SHE: variants seen among roughly 807,000 people sequenced by gnomAD.
The protein encoded by SHE is SH2 domain-containing adapter protein E.
In SHE, 11 loss-of-function variants were observed where a neutral mutation model predicts 49.8. That is an observed-to-expected ratio of 0.22 (90% CI 0.14 to 0.37). The LOEUF (loss-of-function observed/expected upper bound fraction) is 0.37. SHE is among the 10% of genes least tolerant of loss of function. SHE has a pLI of 1.00. For synonymous variants in SHE, 310 were observed against 278.1 expected, an observed-to-expected ratio of 1.11 and a Z score of -1.14; for missense variants, 624 against 655.5, an observed-to-expected ratio of 0.95 and a Z score of 0.52.
At chr1:154,491,570 C>T (rs1232142632) in intron 2 of SHE, among the ~76,000 whole-genome samples, 2 of 152,252 alleles carry the variant, frequency 1.3e-5, no homozygotes, top group Admixed American at 6.5e-5. Context: ...TCTCCCACTG[C>T]ATCCATTTAT....
intron 3 of SHE, among the ~76,000 whole-genome samples, chr1:154,488,304 G>C (rs1478124537): frequency 6.6e-6 from 1 of 151,948 alleles, no homozygotes; most frequent in African/African-American, 2.4e-5. Context: ...TGTCACCCAG[G>C]CTGGAGTGCA....
At chr1:154,501,108 A>G (rs917438845) in intron 1 of SHE, among the ~76,000 whole-genome samples, 2 of 152,220 alleles carry the variant, frequency 1.3e-5, no homozygotes, top group Non-Finnish European at 2.9e-5. Flanking sequence ...ATTCCCCTGA[A>G]TATCAAAATT....
chr1:154,498,546 C>T (rs1033584838), intron 2 of SHE, among the ~76,000 whole-genome samples: 1 of 151,834 alleles, frequency 6.6e-6, no homozygotes, highest in Non-Finnish European at 1.5e-5. Context: ...TACAGGTGTG[C>T]ACCACCACAC....
intron 5 of SHE, chr1:154,484,964 CAA>C (rs1018986511): frequency 1.6e-4 from 14 of 86,874 alleles, no homozygotes; most frequent in Non-Finnish European, 7.1e-5. Context: ...GACTCCATCT[CAA>C]AAAAAAAAAA....
chr1:154,480,713 A>AT lies in SHE; in HGVS notation c.*3435dup, dbSNP rs565564815. 320 of 985,450 alleles carry AT rather than the reference A, an allele frequency of 3.2e-4. 1 individual carries two copies. The African/African-American group carries it at 4.8e-3, about 15-fold the overall frequency. The allele number at this position is 985,450 out of a possible 1,614,324, so 61.0% of individuals were successfully genotyped here. On this transcript the variant is annotated 3_prime_UTR_variant, in exon 6 of 6. Coordinates refer to ENST00000304760, the MANE Select transcript of SHE (RefSeq NM_001010846.3). ...CTTCTGCCCCCAACAGAGAGTAGAT[A>AT]TATCAATATTTACCTTTTTGTATAC...
intron 3 of SHE, among the ~76,000 whole-genome samples, chr1:154,488,187 T>C (rs9728545): frequency 0.92 from 139,375 of 151,868 alleles, 65,207 homozygotes; most frequent in East Asian, 1. Context: ...ATGATCTGCC[T>C]GCCTCGGCCT....
intron 5 of SHE, chr1:154,485,629 T>C (rs1033601819): frequency 4.2e-6 from 1 of 235,756 alleles, no homozygotes; most frequent in African/African-American, 2.2e-5. Context: ...TAGAAATAAT[T>C]CTTTTCATCA....
At chr1:154,493,669 C>T (rs12095082) in intron 2 of SHE, among the ~76,000 whole-genome samples, 1 of 152,220 alleles carries the variant, frequency 6.6e-6, no homozygotes, top group Non-Finnish European at 1.5e-5. Flanking sequence ...GTAATTATGT[C>T]ATTCACATGA....
Position 154,481,838 on chromosome 1 carries a change from T to G in SHE, c.*2311A>C. ...TTCTATCAGTATCTGAAAAAAACAT[T>G]CCTTTTGGTTTTTTGTTTGCTTGCT... On this transcript the variant is annotated 3_prime_UTR_variant, in exon 6 of 6. Transcript: ENST00000304760. 1.0e-6 allele frequency: 1 copy of G among 970,890 alleles called. No homozygotes were observed. The highest frequency in any genetic ancestry group is 1.2e-6 in the Non-Finnish European group (1 of 816,690). 60.1% of individuals were successfully genotyped at this position (970,890 alleles called of 1,614,324 possible). A position where few individuals can be genotyped will look rare whatever the true frequency, so the allele number is the denominator to read the frequency against.
At chr1:154,487,225 T>C (rs577247260) in intron 3 of SHE, among the ~76,000 whole-genome samples, 2 of 150,478 alleles carry the variant, frequency 1.3e-5, no homozygotes, top group African/African-American at 2.4e-5. Context: ...TGAGCCAAGA[T>C]TGCGCCACGG....
chr1:154,478,766 A>G (rs1233073270), downstream of SHE, among the ~76,000 whole-genome samples: 1 of 152,154 alleles, frequency 6.6e-6, no homozygotes, highest in Non-Finnish European at 1.5e-5. Context: ...CCATTACTCT[A>G]ATTGCTCGGG....
At position 154,482,202 on chromosome 1, in the gene SHE, C is replaced by G. The variant is rs1029709780; in HGVS notation, c.*1947G>C. 5 of 449,390 alleles carry G rather than the reference C, an allele frequency of 1.1e-5. No individual in the cohort carries two copies. The highest frequency in any genetic ancestry group is 3.1e-4 in the East Asian group (2 of 6,404). 27.8% of individuals were successfully genotyped at this position (449,390 alleles called of 1,614,324 possible). A position where few individuals can be genotyped will look rare whatever the true frequency, so the allele number is the denominator to read the frequency against. On this transcript the variant is annotated 3_prime_UTR_variant, in exon 6 of 6. Transcript: ENST00000304760. ...CTAATTTTTGTATTTTTACTACAGACAGGGTTTCACCATGTTGGCCAGGCT... is the reference window on the plus strand; with the variant it reads ...CTAATTTTTGTATTTTTACTACAGAGAGGGTTTCACCATGTTGGCCAGGCT...
chr1:154,475,036 C>A (rs1571035546), downstream of SHE, among the ~76,000 whole-genome samples: 2 of 151,876 alleles, frequency 1.3e-5, no homozygotes, highest in East Asian at 3.9e-4. Context: ...TGTCTGGGAG[C>A]AAATGACTAA....
chr1:154,502,088 C>CCGGCCGGGCGTGGGCGA lies in SHE; in HGVS notation c.-63_-62insTCGCCCACGCCCGGCCG. On this transcript the variant is annotated 5_prime_UTR_variant, in exon 1 of 6. Transcript: ENST00000304760. The stretch of plus-strand genomic sequence containing the variant: ...CCCGCGACGGCTGCTCCGTGCGCCC[C>CCGGCCGGGCGTGGGCGA]CGGCCGGCCGTCGCCCACGCCCGGC... The CCGGCCGGGCGTGGGCGA allele has an allele frequency of 8.3e-7, 1 of 1,201,592 alleles. No individual in the cohort carries two copies. The highest frequency in any genetic ancestry group is 1.0e-6 in the Non-Finnish European group (1 of 963,178). The allele number at this position is 1,201,592 out of a possible 1,614,324, so 74.4% of individuals were successfully genotyped here.
intron 1 of SHE, among the ~76,000 whole-genome samples, chr1:154,471,818 T>C (rs757921605): frequency 2.7e-4 from 41 of 152,222 alleles, no homozygotes; most frequent in Non-Finnish European, 5.6e-4. Flanking sequence ...TGAAAAAAAA[T>C]AGCTCACTGC....
chr1:154,501,706 G>C lies in SHE; in HGVS notation c.321C>G (p.Ser107Arg). The part of the protein sequence containing the change: ...GPKDSRLSRD[S>R]LQGLIQAAAG... The stretch of plus-strand genomic sequence containing the variant: ...CGGCGGCCTGAATCAGACCCTGCAG[G>C]CTGTCGCGGGACAGCCGGCTGTCCT... The change falls in exon 1 of 6, where the codon AGC becomes AGG. Residue 107 changes from serine (S) to arginine (R), a missense_variant. Coordinates refer to ENST00000304760, the MANE Select transcript of SHE (RefSeq NM_001010846.3). 3 of 1,608,756 alleles carry C rather than the reference G, an allele frequency of 1.9e-6. No homozygotes were observed. The highest frequency in any genetic ancestry group is 8.5e-7 in the Non-Finnish European group (1 of 1,178,346).
intron 2 of SHE, among the ~76,000 whole-genome samples, chr1:154,494,999 C>T (rs988648563): frequency 5.9e-5 from 9 of 152,232 alleles, no homozygotes; most frequent in South Asian, 2.1e-4. Context: ...TTGCAGTGAG[C>T]TGAGATTGCA....
chr1:154,477,905 A>AG (rs1441253751), downstream of SHE, among the ~76,000 whole-genome samples: 30 of 151,486 alleles, frequency 2.0e-4, no homozygotes, highest in African/African-American at 7.0e-4. Context: ...AAAAAAAAAA[A>AG]AAAAGAAAGA....
At position 154,483,745 on chromosome 1, in the gene SHE, A is replaced by T; in HGVS notation, c.*404T>A. The T allele has an allele frequency of 1.0e-6, 1 of 1,000,120 alleles. No individual in the cohort carries two copies. The highest frequency in any genetic ancestry group is 1.2e-6 in the Non-Finnish European group (1 of 838,292). 62.0% of individuals were successfully genotyped at this position (1,000,120 alleles called of 1,614,324 possible). A position where few individuals can be genotyped will look rare whatever the true frequency, so the allele number is the denominator to read the frequency against. On this transcript the variant is annotated 3_prime_UTR_variant, in exon 6 of 6. Coordinates refer to ENST00000304760, the MANE Select transcript of SHE (RefSeq NM_001010846.3). ...AGTGGCTCATGCCTGTAATCCAGGC[A>T]CTCGGGGAGACTGAGGTGGGTGGAT...
Sources: gnomAD v4.1 joint callset for allele counts (sites outside exome capture counted in the v4.1 genomes callset) on GRCh38, gnomAD v4.1.1 for gene constraint, MANE v1.5 for transcripts, NCBI Gene and HGNC (gene_info 2026-07-23, HGNC 2026-07-21) for gene names.